UTRN: variants seen among roughly 807,000 people sequenced by gnomAD.
UTRN encodes dystrophin-related protein 1.
UTRN carries 283 observed loss-of-function variants against 463.9 expected under a neutral mutation model. The observed-to-expected ratio is 0.61, with a 90% confidence interval of 0.55 to 0.67. The LOEUF is 0.67. UTRN is among the 30% of genes least tolerant of loss of function. The pLI is 0.00. For synonymous variants in UTRN, 1,442 were observed against 1,431.5 expected (o/e 1.01, Z -0.17); for missense variants, 3,922 against 4,084.3 (o/e 0.96, Z 1.08).
At chr6:144,721,941 GA>G (rs891022151) in intron 53 of UTRN, among the ~76,000 whole-genome samples, 3 of 152,208 alleles carry the variant, frequency 2.0e-5, no homozygotes, top group African/African-American at 7.2e-5. Context: ...GAGCATTTCA[GA>G]TTTGGGATTT....
chr6:144,413,587 G>A (rs533654230), intron 3 of UTRN, among the ~76,000 whole-genome samples: 2 of 152,234 alleles, frequency 1.3e-5, no homozygotes, highest in South Asian at 2.1e-4. Flanking sequence ...CCCATGACAC[G>A]TGGGAATTAT....
intron 41 of UTRN, among the ~76,000 whole-genome samples, chr6:144,530,143 T>C (rs1796911386): frequency 6.6e-6 from 1 of 152,178 alleles, no homozygotes; most frequent in African/African-American, 2.4e-5. Context: ...TAAGATAACA[T>C]AGACTGGGTA....
intron 73 of UTRN, 122 bp downstream of exon 73, chr6:144,840,954 A>G: frequency 9.9e-7 from 1 of 1,009,126 alleles, no homozygotes; most frequent in South Asian, 1.7e-5. Flanking sequence ...AGGACTGAAT[A>G]TTATTTGAAA....
chr6:144,717,782 C>G (rs1298542563), intron 53 of UTRN, among the ~76,000 whole-genome samples: 1 of 151,208 alleles, frequency 6.6e-6, no homozygotes, highest in Non-Finnish European at 1.5e-5. Context: ...ATTACAGGTG[C>G]CTGCCACCAC....
rs1485642498 is a variant in UTRN, at chr6:144,820,917, G to A, written c.9393G>A (p.Lys3131=). 9 of 1,613,730 alleles carry A rather than the reference G, an allele frequency of 5.6e-6. No individual in the cohort carries two copies. Among genetic ancestry groups the A allele is most frequent in the Admixed American group, 1.7e-5 (1 of 59,984 alleles). The change falls in exon 66 of 75, where the codon AAG becomes AAA. Residue 3131 remains lysine, a synonymous_variant. Transcript: ENST00000367545. ...GGGAAGATGTACGAGACTTCACAAA[G>A]GTACTTAAGAACAAGTTCAGGTCGA... ...TSGEDVRDFT[K]VLKNKFRSKK... is the part of the protein sequence containing the mutation.
chr6:144,802,112 C>G (rs1217475625), intron 64 of UTRN, among the ~76,000 whole-genome samples: 1 of 152,150 alleles, frequency 6.6e-6, no homozygotes, highest in African/African-American at 2.4e-5. Context: ...AGGGAGTATT[C>G]AGCAGAAAAC....
At chr6:144,534,796 TG>T (rs1160347973) in intron 43 of UTRN, among the ~76,000 whole-genome samples, 1 of 152,086 alleles carries the variant, frequency 6.6e-6, no homozygotes, top group Non-Finnish European at 1.5e-5. Flanking sequence ...TGATGCGCTG[TG>T]GAATTTAAGT....
intron 52 of UTRN, among the ~76,000 whole-genome samples, chr6:144,695,394 A>G: frequency 6.6e-6 from 1 of 150,450 alleles, no homozygotes; most frequent in East Asian, 2.0e-4. Context: ...CCAGGGCTGG[A>G]GTGCAGTGGC....
chr6:144,536,162 A>T (rs1208741620), intron 43 of UTRN, among the ~76,000 whole-genome samples: 1 of 152,222 alleles, frequency 6.6e-6, no homozygotes, highest in African/African-American at 2.4e-5. Flanking sequence ...AATATTTAAA[A>T]TGTAGATTAT....
intron 43 of UTRN, 81 bp downstream of exon 43, chr6:144,533,341 C>A (rs1797231526): frequency 2.0e-6 from 3 of 1,529,678 alleles, no homozygotes; most frequent in Non-Finnish European, 2.6e-6. Flanking sequence ...CTAATGAGTT[C>A]TTTTATTGTT....
intron 51 of UTRN, among the ~76,000 whole-genome samples, chr6:144,594,339 G>C (rs1803429729): frequency 6.6e-6 from 1 of 152,118 alleles, no homozygotes; most frequent in Non-Finnish European, 1.5e-5. Flanking sequence ...GGAGATTACT[G>C]TAGTATCTTT....
At chr6:144,375,622 C>T (rs903625805) in intron 2 of UTRN, among the ~76,000 whole-genome samples, 15 of 152,058 alleles carry the variant, frequency 9.9e-5, no homozygotes, top group African/African-American at 2.7e-4. Context: ...TATATCTGTA[C>T]CCTTGTTTGC....
intron 26 of UTRN, among the ~76,000 whole-genome samples, chr6:144,481,866 C>T (rs944162091): frequency 6.6e-6 from 1 of 152,126 alleles, no homozygotes; most frequent in African/African-American, 2.4e-5. Context: ...GAGACCAGCC[C>T]CGCCAACATG....
Position 144,803,138 on chromosome 6 carries a change from T to C in UTRN, c.9348T>C (p.Tyr3116=). The change falls in exon 65 of 75, where the codon TAT becomes TAC. Residue 3116 remains tyrosine, a synonymous_variant. Coordinates refer to ENST00000367545, the MANE Select transcript of UTRN (RefSeq NM_007124.3). The stretch of plus-strand genomic sequence containing the variant: ...AATTACATTACCCAATGGTGGAATA[T>C]TGTATACCTGTGAGTACTAACCCAC... ...GHKLHYPMVE[Y]CIPTTSGEDV... The C allele has an allele frequency of 6.3e-7, 1 of 1,578,818 alleles. No homozygotes were observed. The highest frequency in any genetic ancestry group is 1.7e-4 in the Middle Eastern group (1 of 5,932).
chr6:144,437,691 C>G lies in UTRN; in HGVS notation c.1186C>G (p.Leu396Val), dbSNP rs1405401186. 3 of 1,614,152 alleles carry G rather than the reference C, an allele frequency of 1.9e-6. No individual in the cohort carries two copies. Among genetic ancestry groups the G allele is most frequent in the Non-Finnish European group, 2.5e-6 (3 of 1,180,010 alleles). ...EEFEIQEQMT[L>V]LNARWEALRV... Reference sequence around the variant, plus strand: ...ATTTGAGATTCAGGAACAGATGACCCTGCTGAATGCTAGATGGGAGGCTCT... The same window carrying G: ...ATTTGAGATTCAGGAACAGATGACCGTGCTGAATGCTAGATGGGAGGCTCT... The change falls in exon 11 of 75, where the codon CTG becomes GTG. Residue 396 changes from leucine (L) to valine (V), a missense_variant. By Grantham distance (32) the Leu-to-Val change is conservative. Transcript: ENST00000367545.
chr6:144,784,222 T>G (rs570773382), intron 61 of UTRN, among the ~76,000 whole-genome samples: 223 of 152,326 alleles, frequency 1.5e-3, no homozygotes, highest in African/African-American at 5.0e-3. Flanking sequence ...TGCCTTATAT[T>G]GTCCATGGCT....
chr6:144,738,558 A>G (rs1376492116), intron 54 of UTRN, among the ~76,000 whole-genome samples: 2 of 152,192 alleles, frequency 1.3e-5, no homozygotes, highest in Non-Finnish European at 2.9e-5. Context: ...CCCACCAAAC[A>G]TACTTTATGA....
intron 54 of UTRN, among the ~76,000 whole-genome samples, chr6:144,732,245 TATA>T (rs1434697770): frequency 9.2e-6 from 1 of 108,420 alleles, no homozygotes; most frequent in Admixed American, 1.0e-4. Flanking sequence ...TATACATATA[TATA>T]TATATATATA....
intron 53 of UTRN, among the ~76,000 whole-genome samples, chr6:144,722,122 G>A (rs1174598630): frequency 1.3e-5 from 2 of 151,714 alleles, no homozygotes; most frequent in African/African-American, 2.4e-5. Flanking sequence ...TCAACCACAA[G>A]GACTCTTTCC....
Sources: gnomAD v4.1 joint callset for allele counts (sites outside exome capture counted in the v4.1 genomes callset) on GRCh38, gnomAD v4.1.1 for gene constraint, MANE v1.5 for transcripts, NCBI Gene and HGNC (gene_info 2026-07-23, HGNC 2026-07-21) for gene names.